Variants in SPATA17 observed in about 807,000 individuals in gnomAD.
SPATA17 encodes the protein spermatogenesis associated 17.
A neutral mutation model predicts 62.2 loss-of-function variants in SPATA17; 53 were observed. The observed-to-expected ratio is 0.85, with a 90% CI of 0.68 to 1.07. SPATA17 has a LOEUF of 1.07. SPATA17 is among the 50% of genes least tolerant of loss of function. The probability of loss-of-function intolerance (pLI) is 0.00; values close to 1 mark genes in which losing one functional copy is unlikely to be tolerated. For missense variants in SPATA17, 466 were observed against 425.5 expected, an observed-to-expected ratio of 1.10 and a Z score of -0.84; for synonymous variants, 146 against 146.8, an observed-to-expected ratio of 0.99 and a Z score of 0.04.
intron 9 of SPATA17, among the ~76,000 whole-genome samples, chr1:217,806,466 G>A (rs915929121): frequency 1.3e-5 from 2 of 152,150 alleles, no homozygotes. Flanking sequence ...CCCCTTAGGG[G>A]TCATTCGTCC....
chr1:217,663,796 A>C (rs1670621378), intron 3 of SPATA17, among the ~76,000 whole-genome samples: 1 of 152,144 alleles, frequency 6.6e-6, no homozygotes, highest in Non-Finnish European at 1.5e-5. Flanking sequence ...AATGTTTTGC[A>C]CTTGAAATGG....
chr1:217,810,731 C>T (rs1160061183), intron 9 of SPATA17, among the ~76,000 whole-genome samples: 2 of 152,084 alleles, frequency 1.3e-5, no homozygotes, highest in African/African-American at 4.8e-5. Context: ...AGGAAACTTA[C>T]AATCATGGCA....
chr1:217,832,793 G>A (rs1054533640), intron 9 of SPATA17, among the ~76,000 whole-genome samples: 1 of 151,996 alleles, frequency 6.6e-6, no homozygotes, highest in East Asian at 1.9e-4. Flanking sequence ...AAATAGAAAA[G>A]TCAGCTGGCT....
Position 217,867,071 on chromosome 1 carries a change from C to T in SPATA17, c.*52C>T, listed in dbSNP as rs1301436416. The T allele has an allele frequency of 6.6e-6, 1 of 152,022 alleles. No homozygotes were observed. Among genetic ancestry groups the T allele is most frequent in the African/African-American group, 2.4e-5 (1 of 41,368 alleles). 9.4% of individuals were successfully genotyped at this position (152,022 alleles called of 1,614,324 possible). On this transcript the variant is annotated 3_prime_UTR_variant, in exon 11 of 11. Transcript: ENST00000366933. ...ATCTGCATTTTAAAACTTAACAGTT[C>T]TGAAAGGAAAACACAGATGAAGATC...
chr1:217,858,001 C>T (rs968077171), intron 9 of SPATA17, among the ~76,000 whole-genome samples: 12 of 152,254 alleles, frequency 7.9e-5, no homozygotes, highest in Middle Eastern at 3.4e-3. Context: ...GAAGGTCTAA[C>T]TCAGAATTAA....
At chr1:217,773,672 G>A (rs1673510833) in intron 6 of SPATA17, among the ~76,000 whole-genome samples, 2 of 152,046 alleles carry the variant, frequency 1.3e-5, no homozygotes, top group Non-Finnish European at 2.9e-5. Context: ...AGAACAGCAA[G>A]GATAATACTA....
Position 217,683,274 on chromosome 1 carries a change from G to A in SPATA17, c.308G>A (p.Arg103Gln), listed in dbSNP as rs375338290. Reference sequence around the variant, plus strand: ...CTTTAATAGATTCAGAGACGATGGCGAGGCTATAGGGTTCGGAAGTACCTC... The same window carrying A: ...CTTTAATAGATTCAGAGACGATGGCAAGGCTATAGGGTTCGGAAGTACCTC... ...AMAVRIQRRWRGYRVRKYLFN... is the reference protein window; with the variant it reads ...AMAVRIQRRWQGYRVRKYLFN... The change falls in exon 5 of 11, where the codon CGA (arginine) becomes CAA (glutamine). Residue 103 changes from arginine to glutamine, a missense_variant. By Grantham distance (43) the Arg-to-Gln change is conservative. Transcript: ENST00000366933. 2.2e-5 allele frequency: 36 copies of A among 1,602,014 alleles called. No individual in the cohort carries two copies. The highest frequency in any genetic ancestry group is 2.9e-5 in the Non-Finnish European group (34 of 1,174,392).
At chr1:217,697,357 A>G (rs1671482257) in intron 5 of SPATA17, among the ~76,000 whole-genome samples, 1 of 152,192 alleles carries the variant, frequency 6.6e-6, no homozygotes, top group Non-Finnish European at 1.5e-5. Flanking sequence ...AATGCATTAC[A>G]ATTTATGTGT....
At chr1:217,706,614 C>T (rs1671743028) in intron 5 of SPATA17, among the ~76,000 whole-genome samples, 2 of 152,202 alleles carry the variant, frequency 1.3e-5, no homozygotes. Flanking sequence ...TTTCCTAAGG[C>T]TTCCACAGTC....
At chr1:217,676,376 TAA>T (rs1406568751) in intron 4 of SPATA17, among the ~76,000 whole-genome samples, 2 of 152,144 alleles carry the variant, frequency 1.3e-5, no homozygotes, top group African/African-American at 4.8e-5. Context: ...TTTTGAAATT[TAA>T]AAGTCTGTGT....
chr1:217,750,663 A>C (rs1366617795), intron 6 of SPATA17, among the ~76,000 whole-genome samples: 1 of 152,200 alleles, frequency 6.6e-6, no homozygotes, highest in East Asian at 1.9e-4. Flanking sequence ...TACGTTTTAC[A>C]TGAAGGATCT....
intron 5 of SPATA17, among the ~76,000 whole-genome samples, chr1:217,700,084 G>A (rs116814473): frequency 0.044 from 6,751 of 152,050 alleles, 232 homozygotes; most frequent in Middle Eastern, 0.1. Context: ...AAACCTTAAC[G>A]TTGGGCAGGG....
chr1:217,643,171 AGTTTTTTTCTCTTACC>A (rs1415496693), intron 1 of SPATA17, among the ~76,000 whole-genome samples: 248 of 152,282 alleles, frequency 1.6e-3, no homozygotes, highest in Non-Finnish European at 2.5e-3. Flanking sequence ...CGTTCATTCT[AGTTTTTTTCTCTTACC>A]TTTTCTGACA....
intron 9 of SPATA17, among the ~76,000 whole-genome samples, chr1:217,846,281 C>A (rs1030634994): frequency 6.6e-6 from 1 of 152,010 alleles, no homozygotes; most frequent in East Asian, 1.9e-4. Context: ...AATATCCTAA[C>A]CTACATTGCT....
intron 8 of SPATA17, among the ~76,000 whole-genome samples, chr1:217,799,345 G>GA (rs1674235942): frequency 6.6e-6 from 1 of 152,078 alleles, no homozygotes; most frequent in Non-Finnish European, 1.5e-5. Context: ...AGACACAAAA[G>GA]AAAAATGTAC....
At chr1:217,760,450 T>G (rs1174591647) in intron 6 of SPATA17, among the ~76,000 whole-genome samples, 2 of 152,194 alleles carry the variant, frequency 1.3e-5, no homozygotes, top group Non-Finnish European at 2.9e-5. Context: ...AATTTTCCTG[T>G]AAGAAGCCAC....
intron 6 of SPATA17, among the ~76,000 whole-genome samples, chr1:217,754,069 C>T (rs1348584989): frequency 6.6e-6 from 1 of 151,842 alleles, no homozygotes; most frequent in Non-Finnish European, 1.5e-5. Context: ...AACACCATCT[C>T]TACAAAAAAA....
intron 3 of SPATA17, among the ~76,000 whole-genome samples, chr1:217,667,053 T>C (rs1238328658): frequency 3.4e-5 from 5 of 145,466 alleles, no homozygotes; most frequent in South Asian, 2.2e-4. Context: ...TTTTTCTTTT[T>C]TTTTTTTTTT....
At chr1:217,693,165 C>T (rs1558567983) in intron 5 of SPATA17, among the ~76,000 whole-genome samples, 1 of 151,446 alleles carries the variant, frequency 6.6e-6, no homozygotes, top group African/African-American at 2.4e-5. Context: ...GCCACAATTT[C>T]AGCTCCTGTT....
Sources: gnomAD v4.1 joint callset for allele counts (sites outside exome capture counted in the v4.1 genomes callset) on GRCh38, gnomAD v4.1.1 for gene constraint, MANE v1.5 for transcripts, NCBI Gene and HGNC (gene_info 2026-07-23, HGNC 2026-07-21) for gene names.